Variants in PFKFB4 observed in about 807,000 individuals in gnomAD.
PFKFB4 encodes the protein 6-phosphofructo-2-kinase/fructose-2,6-biphosphatase 4, also known as 6-phosphofructo-2-kinase/fructose-2,6-bisphosphatase 4.
In PFKFB4, 42 loss-of-function variants were observed where a neutral mutation model predicts 62.8. The observed-to-expected ratio is 0.67, with a 90% CI of 0.52 to 0.86. The LOEUF is 0.86. PFKFB4 is among the 40% of genes least tolerant of loss of function. PFKFB4 has a pLI of 0.00. For synonymous variants in PFKFB4, 204 were observed against 240.7 expected (o/e 0.85, Z 1.41); for missense variants, 475 against 627.2 (o/e 0.76, Z 2.59).
At chr3:48,531,433 ATTT>A (rs757109110) in intron 9 of PFKFB4, among the ~76,000 whole-genome samples, 4 of 140,242 alleles carry the variant, frequency 2.9e-5, no homozygotes, top group Non-Finnish European at 4.7e-5. Flanking sequence ...GGAAGCAGAA[ATTT>A]TTTTTTTTTT....
At chr3:48,561,878 C>G (rs1426724155), upstream of PFKFB4, 1 of 152,318 alleles carries the variant, frequency 6.6e-6, no homozygotes, top group Non-Finnish European at 1.5e-5. The surrounding 1 kb of genome is among the most constrained non-coding windows in gnomAD (Gnocchi z 5.2). Context: ...TTGCCCAGGA[C>G]AGTCCGTGCG....
upstream of PFKFB4, chr3:48,559,862 A>G (rs925710716): frequency 2.1e-5 from 7 of 336,032 alleles, no homozygotes; most frequent in African/African-American, 1.5e-4. Flanking sequence ...CCCTGTATCT[A>G]CTGGCCAGTC....
intron 13 of PFKFB4, among the ~76,000 whole-genome samples, chr3:48,520,807 G>T (rs1402607596): frequency 1.3e-5 from 2 of 152,198 alleles, no homozygotes; most frequent in African/African-American, 4.8e-5. Context: ...GTGATGGACT[G>T]GTAGGGTCAG....
At chr3:48,552,886 G>T (rs1435281954) in intron 1 of PFKFB4, among the ~76,000 whole-genome samples, 3 of 152,196 alleles carry the variant, frequency 2.0e-5, no homozygotes, top group Non-Finnish European at 2.9e-5. Flanking sequence ...AGCAAATCAG[G>T]CCTGGGTGCA....
At chr3:48,559,697 C>T (rs1216746884), upstream of PFKFB4, 1 of 432,714 alleles carries the variant, frequency 2.3e-6, no homozygotes, top group Non-Finnish European at 4.7e-6. Context: ...CACGTGTGAA[C>T]ATGTTCTGCT....
intron 9 of PFKFB4, 62 bp from the exon 10 acceptor site, chr3:48,525,731 G>A (rs990514170): frequency 3.5e-6 from 3 of 846,794 alleles, no homozygotes; most frequent in African/African-American, 1.7e-5. Flanking sequence ...TTGGGGACAT[G>A]TGGGGTGAGG....
At chr3:48,527,356 T>C (rs2107479236) in intron 9 of PFKFB4, among the ~76,000 whole-genome samples, 1 of 150,664 alleles carries the variant, frequency 6.6e-6, no homozygotes, top group African/African-American at 2.4e-5. Flanking sequence ...CTTGGCTCAC[T>C]GCAGCCTCAA....
intron 11 of PFKFB4, 45 bp downstream of exon 11, chr3:48,523,656 C>G (rs1560150354): frequency 1.9e-6 from 3 of 1,613,986 alleles, no homozygotes; most frequent in Non-Finnish European, 2.5e-6. Context: ...ACAGTGCCTA[C>G]CTTCTCACAC....
upstream of PFKFB4, chr3:48,561,131 GC>G: frequency 1.6e-6 from 2 of 1,275,588 alleles, no homozygotes; most frequent in Non-Finnish European, 2.0e-6. This position sits in a 1 kb window ranked among gnomAD's most constrained non-coding sequence, Gnocchi z 5.2. Flanking sequence ...AACCAAACTG[GC>G]CAGGGCCACT....
upstream of PFKFB4, chr3:48,557,061 A>C: frequency 1.0e-6 from 1 of 981,046 alleles, no homozygotes; most frequent in Non-Finnish European, 1.4e-6. Flanking sequence ...TCCGGATTGT[A>C]CTGGTCCCGC....
chr3:48,559,760 G>T (rs960472513), upstream of PFKFB4: 5 of 394,926 alleles, frequency 1.3e-5, no homozygotes, highest in African/African-American at 8.2e-5. Context: ...GGCTCCCAGG[G>T]TGCCCTCTGC....
In PFKFB4 at chr3:48,519,927, G is replaced by A. The variant is rs573509533; in HGVS notation, c.1351-121C>T. ...CATTCTCACTGTAGCAGCCACAGCC[G>A]CAAGACTCTAGACCACAAGCTTCCC... On this transcript the variant is annotated intron_variant, in intron 13 of 13. Transcript: ENST00000232375. The A allele has an allele frequency of 4.9e-5, 37 of 748,244 alleles. 1 individual carries two copies. Among genetic ancestry groups the A allele is most frequent in the East Asian group, 8.0e-5 (3 of 37,290 alleles). The allele number at this position is 748,244 out of a possible 1,614,324, so 46.4% of individuals were successfully genotyped here.
At chr3:48,561,137 G>A (rs1272034179), upstream of PFKFB4, 3 of 1,266,186 alleles carry the variant, frequency 2.4e-6, no homozygotes, top group Non-Finnish European at 3.1e-6. This position sits in a 1 kb window ranked among gnomAD's most constrained non-coding sequence, Gnocchi z 5.2. Context: ...ACTGGCCAGG[G>A]CCACTGCCCC....
chr3:48,531,427 G>A (rs2042422557), intron 9 of PFKFB4, among the ~76,000 whole-genome samples: 1 of 150,066 alleles, frequency 6.7e-6, no homozygotes, highest in Admixed American at 6.6e-5. Context: ...AACCCGGGAA[G>A]CAGAAATTTT....
At chr3:48,522,477 G>C (rs573869155) in intron 12 of PFKFB4, among the ~76,000 whole-genome samples, 1 of 152,234 alleles carries the variant, frequency 6.6e-6, no homozygotes, top group Non-Finnish European at 1.5e-5. Flanking sequence ...AGTGACATCA[G>C]CTGCCACTGG....
intron 1 of PFKFB4, among the ~76,000 whole-genome samples, chr3:48,550,794 G>A (rs1038471957): frequency 4.5e-4 from 68 of 152,112 alleles, no homozygotes; most frequent in Non-Finnish European, 7.6e-4. Flanking sequence ...CATGGCCACC[G>A]GGAACACCCC....
chr3:48,539,238 C>T lies in PFKFB4; in HGVS notation c.510+16G>A, dbSNP rs1320902002. The stretch of plus-strand genomic sequence containing the variant: ...GTCACACACGACCTTCTGACAAGGT[C>T]AGATGCACTACTCACCACGATGTTG... On this transcript the variant is annotated intron_variant, in intron 6 of 13. Transcript: ENST00000232375. The T allele has an allele frequency of 5.6e-6, 9 of 1,603,716 alleles. No individual in the cohort carries two copies. The highest frequency in any genetic ancestry group is 7.7e-6 in the Non-Finnish European group (9 of 1,170,766).
In PFKFB4 at chr3:48,556,035, G is replaced by C; in HGVS notation, c.97+646C>G. On this transcript the variant is annotated intron_variant, in intron 1 of 13. Transcript: ENST00000232375. The surrounding 1 kb of genome is among the most constrained non-coding windows in gnomAD (Gnocchi z 5.7). Reference sequence around the variant, plus strand: ...CATGAATTTCAGCATTCTCCTAGCTGTTTCACTCTCCAGTTTTACTGTACA... The same window carrying C: ...CATGAATTTCAGCATTCTCCTAGCTCTTTCACTCTCCAGTTTTACTGTACA... 1 of 450,200 alleles carries C rather than the reference G, an allele frequency of 2.2e-6. No individual in the cohort carries two copies. Among genetic ancestry groups the C allele is most frequent in the South Asian group, 1.6e-5 (1 of 64,392 alleles). The allele number at this position is 450,200 out of a possible 1,614,324, so 27.9% of individuals were successfully genotyped here. A position where few individuals can be genotyped will look rare whatever the true frequency, so the allele number is the denominator to read the frequency against.
chr3:48,562,812 T>C, upstream of PFKFB4: 1 of 1,564,126 alleles, frequency 6.4e-7, no homozygotes, highest in Non-Finnish European at 8.7e-7. This position sits in a 1 kb window ranked among gnomAD's most constrained non-coding sequence, Gnocchi z 4.3. Context: ...CGGGCCAGGA[T>C]GCGGGCGTTG....
Sources: gnomAD v4.1 joint callset for allele counts (sites outside exome capture counted in the v4.1 genomes callset) on GRCh38, gnomAD v4.1.1 for gene constraint, Gnocchi (gnomAD v3.1) non-coding constraint, MANE v1.5 for transcripts, NCBI Gene and HGNC (gene_info 2026-07-23, HGNC 2026-07-21) for gene names.